Variants in RPH3AL observed in about 807,000 individuals in gnomAD.
RPH3AL encodes rabphilin 3A like (without C2 domains).
A neutral mutation model predicts 43.1 loss-of-function variants in RPH3AL; 38 were observed. The observed-to-expected ratio is 0.88, with a 90% CI of 0.68 to 1.15. The LOEUF (loss-of-function observed/expected upper bound fraction) is 1.15. RPH3AL is among the 50% of genes most tolerant of loss of function. RPH3AL has a pLI of 0.00. For synonymous variants in RPH3AL, 189 were observed against 176.3 expected (o/e 1.07, Z -0.57); for missense variants, 462 against 423.2 (o/e 1.09, Z -0.81).
intron 3 of RPH3AL, among the ~76,000 whole-genome samples, chr17:324,166 T>C (rs2044554718): frequency 6.6e-6 from 1 of 152,204 alleles, no homozygotes; most frequent in Non-Finnish European, 1.5e-5. Context: ...CCTCCACCGC[T>C]GACTCAAGGC....
At chr17:319,186 C>T (rs554067474) in intron 5 of RPH3AL, among the ~76,000 whole-genome samples, 1 of 152,164 alleles carries the variant, frequency 6.6e-6, no homozygotes, top group Non-Finnish European at 1.5e-5. Flanking sequence ...TCTCGTGGCT[C>T]GGGTGTGAAT....
At chr17:234,150 T>TTCC (rs1487686911) in intron 7 of RPH3AL, among the ~76,000 whole-genome samples, 1 of 5,290 alleles carries the variant, frequency 1.9e-4, no homozygotes, top group Non-Finnish European at 4.2e-4. Flanking sequence ...CTGACCAACT[T>TTCC]CCCTGAGCAG....
intron 4 of RPH3AL, among the ~76,000 whole-genome samples, chr17:320,801 C>T (rs963303888): frequency 6.6e-5 from 10 of 152,206 alleles, no homozygotes; most frequent in Admixed American, 2.0e-4. Flanking sequence ...ACACTGGACA[C>T]GATGGAAGTG....
rs1364368737 is a variant in RPH3AL at position 323,875 on chromosome 17, T to A, written c.78-2460A>T. On this transcript the variant is annotated intron_variant, in intron 3 of 9. Transcript: ENST00000331302. This position sits in a 1 kb window ranked among gnomAD's most constrained non-coding sequence, Gnocchi z 4.4. The stretch of plus-strand genomic sequence containing the variant: ...TTGCGAGGCAGGCCTGGACCCTCAG[T>A]CACCCCCCAAGGCAGGCCCAGACCC... Among the ~76,000 whole-genome samples the A allele has an allele frequency of 7.2e-6, 1 of 137,994 alleles. No homozygotes were observed. The highest frequency in any genetic ancestry group is 1.6e-5 in the Non-Finnish European group (1 of 64,470). 90.5% of individuals were successfully genotyped at this position (137,994 alleles called of 152,430 possible). A position where few individuals can be genotyped will look rare whatever the true frequency, so the allele number is the denominator to read the frequency against.
chr17:270,336 G>C (rs1411121928), intron 6 of RPH3AL, among the ~76,000 whole-genome samples: 1 of 152,228 alleles, frequency 6.6e-6, no homozygotes, highest in South Asian at 2.1e-4. Flanking sequence ...GTGAGCACAG[G>C]CCGCCTGCCC....
Position 241,791 on chromosome 17 carries a change from A to C in RPH3AL, c.613+5320T>G, listed in dbSNP as rs151098418. 4.1e-3 allele frequency among the ~76,000 whole-genome samples: 625 copies of C among 150,850 alleles called. 1 individual carries two copies. Among genetic ancestry groups the C allele is most frequent in the African/African-American group, 0.014 (572 of 41,084 alleles). ...ACACACCTTTGAATTAACTCGCTAA[A>C]ATATATCTTGTATTCTTATGTAATT... On this transcript the variant is annotated intron_variant, in intron 7 of 9. Coordinates refer to ENST00000331302, the MANE Select transcript of RPH3AL (RefSeq NM_006987.4).
intron 7 of RPH3AL, among the ~76,000 whole-genome samples, chr17:239,014 G>A (rs1209475311): frequency 1.3e-5 from 2 of 152,140 alleles, no homozygotes; most frequent in Admixed American, 6.6e-5. Flanking sequence ...GAGAGACATC[G>A]CTCAGAGGCA....
At chr17:326,007 G>T (rs956062409) in intron 3 of RPH3AL, among the ~76,000 whole-genome samples, 1 of 152,224 alleles carries the variant, frequency 6.6e-6, no homozygotes, top group African/African-American at 2.4e-5. Flanking sequence ...GAGAGAGAGA[G>T]AAGGTCAGGG....
intron 5 of RPH3AL, among the ~76,000 whole-genome samples, chr17:316,618 T>C (rs1387185492): frequency 2.1e-5 from 2 of 95,784 alleles, no homozygotes; most frequent in Admixed American, 1.1e-4. Context: ...CATTGACTTG[T>C]AGTCCCTGTA....
rs1447587613 is a variant in RPH3AL at position 264,989 on chromosome 17, T to C, written c.438+16779A>G. ...TAAAAGAATCAGTTAACAAAACAAA[T>C]CTGACCCAAAATTCCAGATTGTCTC... is the stretch of plus-strand genomic sequence containing the variant. On this transcript the variant is annotated intron_variant, in intron 6 of 9. Coordinates refer to ENST00000331302, the MANE Select transcript of RPH3AL (RefSeq NM_006987.4). The surrounding 1 kb of genome is among the most constrained non-coding windows in gnomAD (Gnocchi z 4.8). Among the ~76,000 whole-genome samples the C allele has an allele frequency of 1.3e-5, 2 of 152,140 alleles. No individual in the cohort carries two copies. The highest frequency in any genetic ancestry group is 4.8e-5 in the African/African-American group (2 of 41,416).
In RPH3AL at chr17:231,993, G is replaced by A. The variant is rs2041240997; in HGVS notation, c.614-12257C>T. Among the ~76,000 whole-genome samples the A allele has an allele frequency of 1.3e-5, 2 of 152,254 alleles. 1 individual carries two copies. Among genetic ancestry groups the A allele is most frequent in the South Asian group, 4.1e-4 (2 of 4,838 alleles). On this transcript the variant is annotated intron_variant, in intron 7 of 9. Transcript: ENST00000331302. Reference sequence around the variant, plus strand: ...AGCAACAGCGGCTCATTTGTGCTCAGGACATCTGTTCTGGGGGCGGCCCCT... The same window carrying A: ...AGCAACAGCGGCTCATTTGTGCTCAAGACATCTGTTCTGGGGGCGGCCCCT...
chr17:309,115 A>G (rs1022969091), intron 5 of RPH3AL, among the ~76,000 whole-genome samples: 1 of 152,148 alleles, frequency 6.6e-6, no homozygotes, highest in African/African-American at 2.4e-5. Flanking sequence ...TGGGCAACAT[A>G]GCAGACCCTG....
intron 9 of RPH3AL, among the ~76,000 whole-genome samples, chr17:214,336 T>A (rs2040741445): frequency 6.6e-6 from 1 of 152,200 alleles, no homozygotes; most frequent in African/African-American, 2.4e-5. Context: ...GGGAAGGCAG[T>A]CCATGTGACA....
chr17:259,052 G>A (rs1355829803), intron 6 of RPH3AL, among the ~76,000 whole-genome samples: 1 of 152,104 alleles, frequency 6.6e-6, no homozygotes, highest in East Asian at 1.9e-4. Context: ...GGGCTCTGTG[G>A]GCAGGACCAT....
At chr17:319,635 T>G in intron 4 of RPH3AL, 86 bp from the exon 5 acceptor site, 1 of 1,514,774 alleles carries the variant, frequency 6.6e-7, no homozygotes, top group Non-Finnish European at 9.0e-7. Context: ...CCATGCCACA[T>G]GTGCTGTCCC....
chr17:226,031 G>A (rs549581469), intron 7 of RPH3AL, among the ~76,000 whole-genome samples: 162 of 152,346 alleles, frequency 1.1e-3, no homozygotes, highest in African/African-American at 3.7e-3. Context: ...TCGTGAGGAC[G>A]GCGTTTGTTA....
chr17:272,952 AGGGCTACGTCAGGGT>A (rs2042517847), intron 6 of RPH3AL, among the ~76,000 whole-genome samples: 1 of 37,544 alleles, frequency 2.7e-5, no homozygotes, highest in East Asian at 1.7e-3. Flanking sequence ...GACCCCAGCA[AGGGCTACGTCAGGGT>A]GAGACCCCAG....
intron 1 of RPH3AL, among the ~76,000 whole-genome samples, chr17:351,110 C>T (rs2045345668): frequency 6.6e-6 from 1 of 152,196 alleles, no homozygotes. Context: ...GGCCAAGGCT[C>T]AGCTTGTCCA....
In RPH3AL at chr17:247,360, G is replaced by A. The variant is rs954513870; in HGVS notation, c.439-75C>T. ...CCCTCCTGCTCCTTGCCCAGATGAC[G>A]GGAGGCAGGACGCGGAGAGCTAGGA... On this transcript the variant is annotated intron_variant, in intron 6 of 9. Coordinates refer to ENST00000331302, the MANE Select transcript of RPH3AL (RefSeq NM_006987.4). 2.0e-5 allele frequency: 28 copies of A among 1,422,722 alleles called. 1 individual carries two copies. In the South Asian group the frequency reaches 3.2e-4, roughly 16 times the overall value. The allele number at this position is 1,422,722 out of a possible 1,614,324, so 88.1% of individuals were successfully genotyped here. A position where few individuals can be genotyped will look rare whatever the true frequency, so the allele number is the denominator to read the frequency against.
Sources: allele counts gnomAD v4.1 joint callset (sites outside exome capture counted in the v4.1 genomes callset), GRCh38; gene constraint gnomAD v4.1.1; non-coding constraint Gnocchi (gnomAD v3.1); transcripts MANE v1.5; gene names NCBI Gene and HGNC (gene_info 2026-07-23, HGNC 2026-07-21).